The following CUBN variants were observed in gnomAD, a reference collection of about 807,000 sequenced individuals.
The protein encoded by CUBN is cubilin.
A neutral mutation model predicts 405.3 loss-of-function variants in CUBN; 282 were observed. The observed-to-expected ratio is 0.70, with a 90% CI of 0.63 to 0.77. CUBN has a LOEUF of 0.77. CUBN is among the 30% of genes least tolerant of loss of function. CUBN has a pLI of 0.00. For missense variants in CUBN, 4,514 were observed against 4,475.2 expected (o/e 1.01, Z -0.25); for synonymous variants, 1,684 against 1,617.0 (o/e 1.04, Z -0.99).
intron 51 of CUBN, 42 bp downstream of exon 51, chr10:16,903,924 C>A: frequency 2.9e-6 from 4 of 1,383,644 alleles, no homozygotes; most frequent in Non-Finnish European, 4.0e-6. Context: ...AATCATTAAT[C>A]TTTATAAGTA....
chr10:17,074,180 G>A (rs985062768), intron 17 of CUBN, among the ~76,000 whole-genome samples: 4 of 152,182 alleles, frequency 2.6e-5, no homozygotes, highest in African/African-American at 9.7e-5. Context: ...TGCTCACAAG[G>A]AACTTACAAT....
intron 37 of CUBN, among the ~76,000 whole-genome samples, chr10:16,939,802 A>G (rs897957450): frequency 6.6e-6 from 1 of 152,250 alleles, no homozygotes; most frequent in Non-Finnish European, 1.5e-5. Flanking sequence ...GGTAGAAATT[A>G]GAGCTTAAAA....
chr10:17,078,244 A>C (rs183210469), intron 17 of CUBN, among the ~76,000 whole-genome samples: 7 of 151,890 alleles, frequency 4.6e-5, no homozygotes, highest in African/African-American at 1.7e-4. Flanking sequence ...GCTCCTGCCT[A>C]ACTCATATTT....
intron 39 of CUBN, among the ~76,000 whole-genome samples, chr10:16,934,358 C>T (rs972184721): frequency 6.6e-6 from 1 of 152,144 alleles, no homozygotes; most frequent in Non-Finnish European, 1.5e-5. Flanking sequence ...AAGTTTACAA[C>T]TTGTACACCA....
intron 14 of CUBN, among the ~76,000 whole-genome samples, chr10:17,089,754 G>A (rs7904579): frequency 2.0e-5 from 3 of 151,910 alleles, no homozygotes; most frequent in South Asian, 4.1e-4. Context: ...GAAAGATATC[G>A]CAAAGGTACA....
At chr10:17,077,274 T>C (rs893427746) in intron 17 of CUBN, among the ~76,000 whole-genome samples, 1 of 152,150 alleles carries the variant, frequency 6.6e-6, no homozygotes, top group African/African-American at 2.4e-5. Flanking sequence ...ATTCATCAGA[T>C]TAAACTAGTT....
chr10:16,990,032 C>G (rs147526883), intron 29 of CUBN, among the ~76,000 whole-genome samples: 6 of 152,324 alleles, frequency 3.9e-5, no homozygotes, highest in Admixed American at 2.0e-4. Context: ...CCAAGTTGCC[C>G]CCAGGGGCTC....
rs117936668 is a variant in CUBN, at chr10:16,874,403, G to T, written c.9207C>A (p.Thr3069=). The change falls in exon 58 of 67, where the codon ACC becomes ACA. Residue 3069 remains threonine (T), a synonymous_variant. Coordinates refer to ENST00000377833, the MANE Select transcript of CUBN (RefSeq NM_001081.4). ...GCTCGATCACCTTGTCGTCACTAACGGTGATGGTATACAGACAGTGCATAT... is the reference window on the plus strand; with the variant it reads ...GCTCGATCACCTTGTCGTCACTAACTGTGATGGTATACAGACAGTGCATAT... ...PNDMHCLYTI[T]VSDDKVIELK... 1,192 of 1,614,056 alleles carry T rather than the reference G, an allele frequency of 7.4e-4. 7 individuals are homozygous for T. The East Asian group carries it at 0.017, about 23-fold the overall frequency.
At chr10:17,012,815 A>G (rs1243908209) in intron 28 of CUBN, among the ~76,000 whole-genome samples, 1 of 152,242 alleles carries the variant, frequency 6.6e-6, no homozygotes, top group Non-Finnish European at 1.5e-5. Flanking sequence ...CTCTGCTTCC[A>G]TAAGAGTTTC....
chr10:17,008,131 A>G (rs1010380968), intron 28 of CUBN, among the ~76,000 whole-genome samples: 2 of 152,086 alleles, frequency 1.3e-5, no homozygotes, highest in African/African-American at 4.8e-5. Context: ...AGCCTGGGAA[A>G]TAGAATGACA....
chr10:17,023,137 A>AG (rs1834546000), intron 27 of CUBN, among the ~76,000 whole-genome samples: 1 of 151,786 alleles, frequency 6.6e-6, no homozygotes, highest in Admixed American at 6.6e-5. Context: ...TACGCATTGA[A>AG]GGAGACCCCT....
At chr10:17,060,909 G>A (rs1257339783) in intron 22 of CUBN, among the ~76,000 whole-genome samples, 3 of 151,904 alleles carry the variant, frequency 2.0e-5, no homozygotes, top group Non-Finnish European at 4.4e-5. Context: ...AATTAGCCAG[G>A]CATGGTGACC....
In CUBN at chr10:16,940,088, C is replaced by G. The variant is rs779761719; in HGVS notation, c.5492G>C (p.Arg1831Thr). Residue 1831 changes from arginine to threonine, a missense_variant, in exon 37 of 67, where the codon AGA becomes ACA. Around this residue, in one of 5 missense-constraint regions of CUBN, gnomAD observed 1,613 missense variants for 1,542.8 expected, o/e 1.05. Coordinates refer to ENST00000377833, the MANE Select transcript of CUBN (RefSeq NM_001081.4). The part of the protein sequence containing the change: ...SSIVGHTLWV[R>T]FISDGSGSGT... ...GCTGCCAGAACCATCTGAGATAAAT[C>G]TGACCCACAGGGTATGTCCAACGAT... 17 of 1,614,008 alleles carry G rather than the reference C, an allele frequency of 1.1e-5. No individual in the cohort carries two copies. The highest frequency in any genetic ancestry group is 1.4e-5 in the Non-Finnish European group (17 of 1,180,004).
At chr10:16,988,598 T>A (rs958538564) in intron 29 of CUBN, among the ~76,000 whole-genome samples, 12 of 152,150 alleles carry the variant, frequency 7.9e-5, no homozygotes, top group Non-Finnish European at 1.5e-4. Flanking sequence ...ACTAAATTAC[T>A]AAAAGTGATG....
Position 17,068,182 on chromosome 10 carries a change from C to CTAAT in CUBN, c.2886_2889dup (p.Val964IlefsTer5). On this transcript the variant is annotated frameshift_variant, in exon 21 of 67. Transcript: ENST00000377833. LOFTEE classifies it high-confidence loss of function. ...AAATGAATCAGGTGATTAGGTTGGACTAATATATGCCAAGTACAGTTGATA... is the reference window on the plus strand; with the variant it reads ...AAATGAATCAGGTGATTAGGTTGGACTAATTAATATATGCCAAGTACAGTTGATA... The CTAAT allele has an allele frequency of 6.2e-7, 1 of 1,613,732 alleles. No homozygotes were observed. The highest frequency in any genetic ancestry group is 8.5e-7 in the Non-Finnish European group (1 of 1,179,690).
chr10:17,031,569 C>A (rs901970874), intron 27 of CUBN, among the ~76,000 whole-genome samples: 5 of 152,198 alleles, frequency 3.3e-5, no homozygotes, highest in African/African-American at 1.2e-4. Context: ...TCAGCACATT[C>A]TATCATATGT....
intron 25 of CUBN, among the ~76,000 whole-genome samples, chr10:17,044,583 T>C (rs1835082449): frequency 6.6e-6 from 1 of 152,096 alleles, no homozygotes; most frequent in Non-Finnish European, 1.5e-5. Context: ...CTTCAATACA[T>C]TTTTATTTAG....
intron 4 of CUBN, among the ~76,000 whole-genome samples, chr10:17,125,375 G>A (rs1837155509): frequency 6.6e-6 from 1 of 152,106 alleles, no homozygotes; most frequent in South Asian, 2.1e-4. Context: ...ACCATTTTCT[G>A]CAAAGCACAT....
chr10:16,850,922 G>A (rs1477299178), intron 60 of CUBN, among the ~76,000 whole-genome samples: 2 of 152,218 alleles, frequency 1.3e-5, no homozygotes, highest in Non-Finnish European at 2.9e-5. Context: ...AAGGTCCTTT[G>A]AGTATCTCTC....
Sources: allele counts gnomAD v4.1 joint callset (sites outside exome capture counted in the v4.1 genomes callset), GRCh38; gene constraint gnomAD v4.1.1; regional missense constraint gnomAD v4.1.1; transcripts MANE v1.5; gene names NCBI Gene and HGNC (gene_info 2026-07-23, HGNC 2026-07-21).